CCDC30: variants seen among roughly 807,000 people sequenced by gnomAD.
CCDC30 encodes the protein coiled-coil domain containing 30.
In CCDC30, 70 loss-of-function variants were observed where a neutral mutation model predicts 100.2. The observed-to-expected ratio is 0.70, with a 90% CI of 0.58 to 0.85. CCDC30 has a LOEUF of 0.85. Ranked by LOEUF, CCDC30 falls within the 40% of genes least tolerant of loss-of-function variation. CCDC30 has a pLI of 0.00. For synonymous variants in CCDC30, 233 were observed against 269.5 expected (o/e 0.86, Z 1.33); for missense variants, 652 against 771.2 (o/e 0.85, Z 1.83).
chr1:42,460,445 A>G, upstream of CCDC30: 1 of 930,380 alleles, frequency 1.1e-6, no homozygotes, highest in Non-Finnish European at 1.3e-6. Flanking sequence ...TTTATCAAAT[A>G]TAGTAGTAGG....
At chr1:42,459,974 T>C, upstream of CCDC30, 1 of 1,524,254 alleles carries the variant, frequency 6.6e-7, no homozygotes. Context: ...CTCTTAGAGA[T>C]GGTGAAAACT....
chr1:42,623,685 C>T (rs934003253), intron 11 of CCDC30, among the ~76,000 whole-genome samples: 3 of 152,042 alleles, frequency 2.0e-5, no homozygotes, highest in African/African-American at 7.3e-5. Flanking sequence ...CAGTTTTGTT[C>T]TTTATGCTTA....
Position 42,619,391 on chromosome 1 carries a change from G to C in CCDC30, c.1277+8301G>C, listed in dbSNP as rs115550692. Among the ~76,000 whole-genome samples the C allele has an allele frequency of 6.2e-3, 948 of 152,238 alleles. 15 individuals carry two copies. Among genetic ancestry groups the C allele is most frequent in the African/African-American group, 0.022 (907 of 41,544 alleles). ...AAAACTTCTCCTTTACCCTCTGAAG[G>C]TTCACTGAAAAATCAACTGACAAAA... On this transcript the variant is annotated intron_variant, in intron 11 of 16. Coordinates refer to ENST00000668663, the Ensembl canonical transcript of CCDC30.
At chr1:42,553,652 T>TACACACAAAC (rs1553194024) in intron 6 of CCDC30, among the ~76,000 whole-genome samples, 4 of 133,750 alleles carry the variant, frequency 3.0e-5, no homozygotes, top group African/African-American at 1.1e-4. Flanking sequence ...TGAGATTCCA[T>TACACACAAAC]ACACACACAC....
chr1:42,478,800 C>T (rs764462398), intron 1 of CCDC30, among the ~76,000 whole-genome samples: 1 of 151,804 alleles, frequency 6.6e-6, no homozygotes, highest in African/African-American at 2.4e-5. Flanking sequence ...ACTGCGCCCC[C>T]CCAAGATACC....
chr1:42,459,778 G>A (rs368077055), upstream of CCDC30: 5 of 1,614,022 alleles, frequency 3.1e-6, no homozygotes, highest in African/African-American at 5.3e-5. Flanking sequence ...CTTGAGTCAC[G>A]ACAGTCCTTT....
intron 10 of CCDC30, among the ~76,000 whole-genome samples, chr1:42,599,157 T>C (rs1646351871): frequency 6.6e-6 from 1 of 152,190 alleles, no homozygotes. Flanking sequence ...CAACAATGTA[T>C]TTGATTATGT....
chr1:42,487,094 T>C (rs192918338), intron 3 of CCDC30, among the ~76,000 whole-genome samples: 1 of 118,282 alleles, frequency 8.5e-6, no homozygotes, highest in Non-Finnish European at 1.6e-5. Context: ...CTGAGCAACA[T>C]AGTGATGCCC....
At chr1:42,618,716 G>T (rs1265073184) in intron 11 of CCDC30, among the ~76,000 whole-genome samples, 1 of 152,182 alleles carries the variant, frequency 6.6e-6, no homozygotes, top group Non-Finnish European at 1.5e-5. Context: ...TGCTGATGGT[G>T]GCTCAATGGA....
intron 6 of CCDC30, among the ~76,000 whole-genome samples, chr1:42,550,722 T>G (rs1645234229): frequency 6.6e-6 from 1 of 152,230 alleles, no homozygotes; most frequent in African/African-American, 2.4e-5. Context: ...TTATCTTATT[T>G]GTTTGTGTGT....
chr1:42,600,324 G>T (rs1478291141), intron 10 of CCDC30, among the ~76,000 whole-genome samples: 4 of 152,166 alleles, frequency 2.6e-5, no homozygotes, highest in Non-Finnish European at 5.9e-5. Context: ...CTGCAAGGAG[G>T]AGTAGGTGAA....
At chr1:42,482,222 C>A (rs1456081522) in intron 2 of CCDC30, among the ~76,000 whole-genome samples, 313 of 127,210 alleles carry the variant, frequency 2.5e-3, no homozygotes, top group African/African-American at 2.6e-3. Context: ...GACTCCATCT[C>A]AAAAAAAAAA....
chr1:42,576,956 C>A (rs1452968118), intron 7 of CCDC30, 64 bp from the exon 12 acceptor site: 2 of 1,238,782 alleles, frequency 1.6e-6, no homozygotes, highest in East Asian at 4.9e-5. Context: ...TTGAAAGCTG[C>A]TTATTCTAGT....
intron 11 of CCDC30, among the ~76,000 whole-genome samples, chr1:42,631,528 CA>C (rs1647037366): frequency 6.6e-6 from 1 of 152,216 alleles, no homozygotes; most frequent in Non-Finnish European, 1.5e-5. Flanking sequence ...TCAGCAGATG[CA>C]AAGCCAGCAA....
At chr1:42,536,816 G>T (rs1315033886) in intron 6 of CCDC30, 2 of 494,618 alleles carry the variant, frequency 4.0e-6, no homozygotes, top group Non-Finnish European at 3.6e-6. Flanking sequence ...TCAGTTCCTG[G>T]TGAGGGTTCT....
intron 3 of CCDC30, among the ~76,000 whole-genome samples, chr1:42,485,590 T>C (rs1644036364): frequency 6.6e-6 from 1 of 152,082 alleles, no homozygotes; most frequent in Non-Finnish European, 1.5e-5. Context: ...GCCCAGAAGT[T>C]TGAGGCTGTA....
chr1:42,656,620 ACT>A (rs1425325447), downstream of CCDC30, among the ~76,000 whole-genome samples: 2 of 152,082 alleles, frequency 1.3e-5, no homozygotes, highest in Non-Finnish European at 2.9e-5. Flanking sequence ...AAAAAGTGAG[ACT>A]CTGTCTCAAA....
intron 6 of CCDC30, chr1:42,500,209 G>T: frequency 1.9e-6 from 3 of 1,564,152 alleles, no homozygotes; most frequent in Non-Finnish European, 2.6e-6. Context: ...GCCTCATTAT[G>T]ATTCGCCTGC....
intron 8 of CCDC30, among the ~76,000 whole-genome samples, chr1:42,579,238 C>T (rs1403157250): frequency 2.6e-5 from 4 of 151,932 alleles, no homozygotes; most frequent in African/African-American, 9.7e-5. Context: ...GATCCACCCA[C>T]CTCAGCCTCC....
Sources: allele counts gnomAD v4.1 joint callset (sites outside exome capture counted in the v4.1 genomes callset), GRCh38; gene constraint gnomAD v4.1.1; transcripts MANE v1.5; gene names NCBI Gene and HGNC (gene_info 2026-07-23, HGNC 2026-07-21).